The following ERBB4 variants were observed in gnomAD, a reference collection of about 807,000 sequenced individuals.
ERBB4 encodes erb-b2 receptor tyrosine kinase 4.
In ERBB4, 42 loss-of-function variants were observed where a neutral mutation model predicts 158.0. The ratio of observed to expected loss-of-function variants is 0.27; its 90% CI spans 0.21 to 0.34. The LOEUF (loss-of-function observed/expected upper bound fraction) is 0.34. Among genes scored for constraint, ERBB4 ranks in the 10% least tolerant of loss-of-function variants. The pLI, the probability that ERBB4 is intolerant of heterozygous loss-of-function variation, is 1.00. For synonymous variants in ERBB4, 583 were observed against 558.7 expected (o/e 1.04, Z -0.61); for missense variants, 1,333 against 1,624.1 (o/e 0.82, Z 3.08).
intron 1 of ERBB4, among the ~76,000 whole-genome samples, chr2:212,321,686 C>A (rs2087574330): frequency 6.7e-6 from 1 of 150,372 alleles, no homozygotes; most frequent in African/African-American, 2.4e-5. Context: ...AAGATTCTTT[C>A]TCAAAAAGAT....
chr2:212,176,883 A>G (rs2081680118), intron 1 of ERBB4, among the ~76,000 whole-genome samples: 1 of 151,974 alleles, frequency 6.6e-6, no homozygotes, highest in Non-Finnish European at 1.5e-5. Flanking sequence ...GAGCATTATC[A>G]TAGAGGCTAG....
chr2:211,392,686 C>T (rs147131341), intron 25 of ERBB4, among the ~76,000 whole-genome samples: 4,707 of 151,142 alleles, frequency 0.031, 235 homozygotes, highest in African/African-American at 0.11. Context: ...GTTTGTTTTT[C>T]GAGATGGAGT....
intron 2 of ERBB4, among the ~76,000 whole-genome samples, chr2:212,117,671 C>T (rs138712342): frequency 9.2e-5 from 14 of 152,218 alleles, no homozygotes; most frequent in African/African-American, 3.4e-4. Context: ...CATGCTGTAT[C>T]TGAAAATGTT....
intron 2 of ERBB4, among the ~76,000 whole-genome samples, chr2:212,055,086 C>G (rs531526318): frequency 6.6e-6 from 1 of 152,094 alleles, no homozygotes; most frequent in African/African-American, 2.4e-5. Flanking sequence ...CCTGGAAAAT[C>G]GGGTCACTCC....
chr2:212,386,425 A>C (rs2090676831), intron 1 of ERBB4, among the ~76,000 whole-genome samples: 1 of 152,006 alleles, frequency 6.6e-6, no homozygotes, highest in African/African-American at 2.4e-5. Flanking sequence ...ACCAGGAGTC[A>C]AGATACTCTG....
chr2:212,214,223 G>A (rs1347323528), intron 1 of ERBB4, among the ~76,000 whole-genome samples: 1 of 151,780 alleles, frequency 6.6e-6, no homozygotes, highest in African/African-American at 2.4e-5. Flanking sequence ...CTGTGATAAT[G>A]GAGATGTTCT....
intron 1 of ERBB4, among the ~76,000 whole-genome samples, chr2:212,514,331 C>T (rs568688057): frequency 1.3e-5 from 2 of 152,202 alleles, no homozygotes; most frequent in African/African-American, 4.8e-5. Context: ...ACATTTGTTA[C>T]AAATAAAGTT....
chr2:212,288,702 T>C (rs1276845988), intron 1 of ERBB4, among the ~76,000 whole-genome samples: 2 of 152,088 alleles, frequency 1.3e-5, no homozygotes, highest in African/African-American at 4.8e-5. Context: ...CATGGTTGTG[T>C]GACGAGAACC....
intron 3 of ERBB4, among the ~76,000 whole-genome samples, chr2:211,944,206 A>G (rs1271699142): frequency 9.6e-6 from 1 of 104,040 alleles, no homozygotes; most frequent in African/African-American, 4.2e-5. Context: ...TATACTATAT[A>G]TATATATACA....
In ERBB4 at chr2:211,773,838, A is replaced by G. The variant is rs183222110; in HGVS notation, c.556+14187T>C. On this transcript the variant is annotated intron_variant, in intron 4 of 27. Transcript: ENST00000342788. The stretch of plus-strand genomic sequence containing the variant: ...GATTACTCCGGTCTGAATTCAGATC[A>G]CGTAGGACATTAATCATTGAACAAA... Among the ~76,000 whole-genome samples the G allele has an allele frequency of 1.1e-4, 16 of 151,554 alleles. No individual in the cohort carries two copies. In the South Asian group the frequency reaches 3.3e-3, roughly 31 times the overall value.
rs182195854 is a variant in ERBB4, at chr2:212,236,638, T to A, written c.83-111735A>T. On this transcript the variant is annotated intron_variant, in intron 1 of 27. Transcript: ENST00000342788. Reference sequence around the variant, plus strand: ...GTAGGCTATTAATTACTGCCTCAATTTCAGAACTTGTTATCAGTCTATTCA... The same window carrying A: ...GTAGGCTATTAATTACTGCCTCAATATCAGAACTTGTTATCAGTCTATTCA... 3.3e-3 allele frequency among the ~76,000 whole-genome samples: 507 copies of A among 152,328 alleles called. 4 individuals carry two copies. The highest frequency in any genetic ancestry group is 6.0e-3 in the Non-Finnish European group (407 of 68,022).
At chr2:211,942,133 G>A (rs534684505) in intron 3 of ERBB4, among the ~76,000 whole-genome samples, 1 of 151,974 alleles carries the variant, frequency 6.6e-6, no homozygotes, top group Admixed American at 6.6e-5. Context: ...TCGATATTAG[G>A]TTATTTATTT....
At chr2:211,720,860 C>G (rs2074068336) in intron 7 of ERBB4, among the ~76,000 whole-genome samples, 1 of 152,208 alleles carries the variant, frequency 6.6e-6, no homozygotes, top group African/African-American at 2.4e-5. Flanking sequence ...GCTTGACTTT[C>G]TAAGCTACAC....
intron 19 of ERBB4, among the ~76,000 whole-genome samples, chr2:211,577,915 C>T (rs914840166): frequency 6.6e-6 from 1 of 152,146 alleles, no homozygotes; most frequent in East Asian, 1.9e-4. Flanking sequence ...CAAGGATGCC[C>T]TCTCTCATCA....
At chr2:211,899,512 T>A (rs1482867920) in intron 3 of ERBB4, among the ~76,000 whole-genome samples, 1 of 152,072 alleles carries the variant, frequency 6.6e-6, no homozygotes, top group Non-Finnish European at 1.5e-5. Flanking sequence ...ACGAAACCAA[T>A]CACAAAGTAA....
intron 2 of ERBB4, among the ~76,000 whole-genome samples, chr2:212,053,173 C>T (rs752067407): frequency 4.6e-5 from 7 of 151,964 alleles, no homozygotes; most frequent in Non-Finnish European, 8.8e-5. Flanking sequence ...AGAGTGAGGC[C>T]GTGTCTCAAT....
At chr2:211,473,786 G>A (rs2064887847) in intron 20 of ERBB4, among the ~76,000 whole-genome samples, 1 of 151,824 alleles carries the variant, frequency 6.6e-6, no homozygotes, top group Non-Finnish European at 1.5e-5. Flanking sequence ...CCCAAAATGT[G>A]GTACAGTAGA....
chr2:212,279,732 T>G (rs1270800200), intron 1 of ERBB4, among the ~76,000 whole-genome samples: 2 of 151,658 alleles, frequency 1.3e-5, no homozygotes, highest in Non-Finnish European at 3.0e-5. Context: ...TGGTGAATCT[T>G]GATCTTTTTT....
intron 1 of ERBB4, among the ~76,000 whole-genome samples, chr2:212,374,920 G>GA (rs5838326): frequency 0.59 from 89,753 of 151,344 alleles, 28,350 homozygotes; most frequent in African/African-American, 0.8. Context: ...TAAATATGGG[G>GA]AAAAAAGAGT....
Sources: gnomAD v4.1 joint callset for allele counts (sites outside exome capture counted in the v4.1 genomes callset) on GRCh38, gnomAD v4.1.1 for gene constraint, MANE v1.5 for transcripts, NCBI Gene and HGNC (gene_info 2026-07-23, HGNC 2026-07-21) for gene names.